TACC2: variants seen among roughly 807,000 people sequenced by gnomAD.
TACC2 encodes the protein transforming acidic coiled-coil-containing protein 2.
Under a neutral mutation model 227.3 loss-of-function variants are expected in TACC2, and 137 were observed. The observed-to-expected ratio is 0.60, with a 90% CI of 0.52 to 0.69. TACC2 has a LOEUF of 0.69. TACC2 is among the 30% of genes least tolerant of loss of function. The pLI, the probability that TACC2 is intolerant of heterozygous loss-of-function variation, is 0.00. For synonymous variants in TACC2, 1,523 were observed against 1,487.5 expected (o/e 1.02, Z -0.55); for missense variants, 3,470 against 3,694.4 (o/e 0.94, Z 1.57).
intron 7 of TACC2, among the ~76,000 whole-genome samples, chr10:122,189,814 T>G (rs762331429): frequency 1.3e-5 from 2 of 152,228 alleles, no homozygotes; most frequent in Non-Finnish European, 2.9e-5. Context: ...CAGTGCTCCA[T>G]GAAGGTAGGC....
At chr10:122,163,718 C>G (rs1295293683) in intron 7 of TACC2, 2 of 1,143,964 alleles carry the variant, frequency 1.7e-6, no homozygotes, top group Non-Finnish European at 2.1e-6. Flanking sequence ...CGCACACATA[C>G]GCGGCGCTCG....
chr10:122,042,098 A>G (rs1591381207), intron 2 of TACC2, among the ~76,000 whole-genome samples: 1 of 152,080 alleles, frequency 6.6e-6, no homozygotes, highest in Middle Eastern at 3.4e-3. Context: ...GGCGCCCGCG[A>G]CCACGCCCGG....
intron 5 of TACC2, among the ~76,000 whole-genome samples, chr10:122,116,807 T>C (rs1056405413): frequency 6.6e-6 from 1 of 152,186 alleles, no homozygotes; most frequent in African/African-American, 2.4e-5. Context: ...TTCTTCCTTA[T>C]TTAGAAGCTG....
intron 1 of TACC2, among the ~76,000 whole-genome samples, chr10:121,997,808 A>G (rs1196226551): frequency 6.6e-6 from 1 of 152,054 alleles, no homozygotes; most frequent in Non-Finnish European, 1.5e-5. Flanking sequence ...ACAATTATGT[A>G]CCCTTGGAGC....
chr10:122,226,116 C>T (rs751757631), intron 12 of TACC2, among the ~76,000 whole-genome samples: 4 of 152,182 alleles, frequency 2.6e-5, no homozygotes, highest in East Asian at 1.9e-4. Context: ...AACGCCGTGG[C>T]GTCTTCTCCC....
intron 2 of TACC2, 65 bp downstream of exon 2, chr10:122,022,079 T>A: frequency 6.5e-7 from 1 of 1,537,188 alleles, no homozygotes; most frequent in South Asian, 1.1e-5. Context: ...ACTAGGTTCT[T>A]TTTACAGCGT....
intron 22 of TACC2, among the ~76,000 whole-genome samples, chr10:122,251,476 T>C (rs1274341182): frequency 6.6e-6 from 1 of 152,188 alleles, no homozygotes; most frequent in Non-Finnish European, 1.5e-5. Flanking sequence ...CTATTCCTTG[T>C]CTCTTGATAA....
chr10:122,019,778 TGCTTAGAACTCGC>T (rs1957113524), intron 1 of TACC2: 1 of 152,298 alleles, frequency 6.6e-6, no homozygotes, highest in South Asian at 2.1e-4. Context: ...TCAGGGCCTC[TGCTTAGAACTCGC>T]GCAATTCTGA....
chr10:122,219,186 G>A (rs926300029), intron 11 of TACC2, among the ~76,000 whole-genome samples: 3 of 151,980 alleles, frequency 2.0e-5, no homozygotes, highest in Middle Eastern at 3.2e-3. Flanking sequence ...CAGTGCTGCT[G>A]TAGACCCCGC....
intron 7 of TACC2, chr10:122,192,809 CTG>C: frequency 2.2e-6 from 1 of 456,572 alleles, no homozygotes; most frequent in Admixed American, 2.3e-5. Flanking sequence ...CAAGTTATCT[CTG>C]TGTATCTTGT....
chr10:122,246,550 C>T (rs1259693671), intron 19 of TACC2: 1 of 152,254 alleles, frequency 6.6e-6, no homozygotes, highest in Non-Finnish European at 1.5e-5. Flanking sequence ...TGGCTTTGGG[C>T]TCTGCCATTT....
chr10:122,102,642 C>G (rs2082301955), intron 5 of TACC2, among the ~76,000 whole-genome samples: 1 of 152,204 alleles, frequency 6.6e-6, no homozygotes, highest in South Asian at 2.1e-4. Flanking sequence ...AGGCCAAGTT[C>G]AAGTGCAGGA....
intron 10 of TACC2, among the ~76,000 whole-genome samples, chr10:122,216,251 T>C (rs898801426): frequency 7.9e-5 from 12 of 152,148 alleles, no homozygotes; most frequent in African/African-American, 2.9e-4. Context: ...CTCCAGGGAC[T>C]GATGAGATGC....
At position 122,083,689 on chromosome 10, in the gene TACC2, C is replaced by T; in HGVS notation, c.1189C>T (p.Pro397Ser). The change falls in exon 4 of 23, where the codon CCC becomes TCC. Residue 397 changes from proline (P) to serine (S), a missense_variant. By Grantham distance (74) the Pro-to-Ser change is moderately conservative. Coordinates refer to ENST00000369005, the MANE Select transcript of TACC2 (RefSeq NM_206862.4). ...QVVCVAAGGQPEGGLPVSPEP... is the reference protein window; with the variant it reads ...QVVCVAAGGQSEGGLPVSPEP... The stretch of plus-strand genomic sequence containing the variant: ...TGTCTGTGTGGCAGCAGGCGGCCAG[C>T]CCGAAGGGGGTTTGCCTGTGAGCCC... 1.2e-6 allele frequency: 2 copies of T among 1,612,762 alleles called. No homozygotes were observed. Among genetic ancestry groups the T allele is most frequent in the Non-Finnish European group, 1.7e-6 (2 of 1,180,040 alleles).
At chr10:122,073,027 C>T (rs541671552) in intron 3 of TACC2, among the ~76,000 whole-genome samples, 19 of 144,856 alleles carry the variant, frequency 1.3e-4, no homozygotes, top group African/African-American at 4.4e-4. Flanking sequence ...GCAGGAGAAT[C>T]GCTTGAACCC....
chr10:122,020,393 T>C (rs1957185882), intron 1 of TACC2, among the ~76,000 whole-genome samples: 1 of 151,506 alleles, frequency 6.6e-6, no homozygotes, highest in African/African-American at 2.4e-5. Flanking sequence ...GATTGAAGGG[T>C]TAGGAGTGAA....
chr10:122,164,001 T>C, intron 7 of TACC2: 16 of 1,575,716 alleles, frequency 1.0e-5, no homozygotes, highest in South Asian at 3.5e-5. Flanking sequence ...ATGTAAGTGC[T>C]CCGCCCGGGC....
At chr10:122,078,323 C>T (rs947682148) in intron 3 of TACC2, among the ~76,000 whole-genome samples, 3 of 151,230 alleles carry the variant, frequency 2.0e-5, no homozygotes, top group South Asian at 2.1e-4. Context: ...AAAACCTGGT[C>T]GTGCAGGGGC....
chr10:122,052,204 G>C (rs2075774647), intron 3 of TACC2: 1 of 152,210 alleles, frequency 6.6e-6, no homozygotes, highest in Non-Finnish European at 1.5e-5. Flanking sequence ...AAGCCACTGT[G>C]GCTGCTGAGG....
Sources: allele counts gnomAD v4.1 joint callset (sites outside exome capture counted in the v4.1 genomes callset), GRCh38; gene constraint gnomAD v4.1.1; transcripts MANE v1.5; gene names NCBI Gene and HGNC (gene_info 2026-07-23, HGNC 2026-07-21).